The following ZSCAN25 variants were observed in gnomAD, a reference collection of about 807,000 sequenced individuals.
ZSCAN25 encodes the protein zinc finger and SCAN domain containing 25.
ZSCAN25 carries 27 observed loss-of-function variants against 38.7 expected under a neutral mutation model. That is an observed-to-expected ratio of 0.70 (90% confidence interval 0.51 to 0.96). The LOEUF (loss-of-function observed/expected upper bound fraction) is 0.96, where lower values mean the gene tolerates loss of function less well. Among genes scored for constraint, ZSCAN25 ranks in the 40% least tolerant of loss-of-function variants. ZSCAN25 has a pLI of 0.00. For synonymous variants in ZSCAN25, 273 were observed against 277.7 expected (o/e 0.98, Z 0.17); for missense variants, 637 against 705.9 (o/e 0.90, Z 1.11).
chr7:99,691,519 G>A, the ZSCAN25 span, among the ~76,000 whole-genome samples: 3 of 152,082 alleles, frequency 2.0e-5, no homozygotes, highest in Non-Finnish European at 4.4e-5. Flanking sequence ...CATTATTATT[G>A]TGTGGAGTCT....
chr7:99,641,482 C>T, the ZSCAN25 span, among the ~76,000 whole-genome samples: 2 of 152,074 alleles, frequency 1.3e-5, no homozygotes, highest in East Asian at 3.9e-4. Context: ...ACCATATCAC[C>T]TCCCATCCTT....
At chr7:99,717,373 T>C in the ZSCAN25 span, 1 of 1,600,820 alleles carries the variant, frequency 6.2e-7, no homozygotes, top group African/African-American at 1.3e-5. Context: ...ATAATGAATT[T>C]TATGATGTGT....
the ZSCAN25 span, chr7:99,731,155 A>G: frequency 6.2e-7 from 1 of 1,613,762 alleles, no homozygotes; most frequent in Non-Finnish European, 8.5e-7. Flanking sequence ...TTCCATATCT[A>G]CAAAGTGAAA....
At chr7:99,626,597 C>A (rs985218435) in intron 7 of ZSCAN25, among the ~76,000 whole-genome samples, 19 of 151,926 alleles carry the variant, frequency 1.3e-4, no homozygotes, top group African/African-American at 3.9e-4. Flanking sequence ...TGGCTAAGGG[C>A]CTGGAAAAAT....
the ZSCAN25 span, among the ~76,000 whole-genome samples, chr7:99,688,591 T>C: frequency 1.2e-3 from 189 of 152,206 alleles, no homozygotes; most frequent in Non-Finnish European, 9.7e-4. Context: ...TAACACCCCA[T>C]TGTCAACATT....
chr7:99,690,207 A>G, the ZSCAN25 span, among the ~76,000 whole-genome samples: 1 of 152,218 alleles, frequency 6.6e-6, no homozygotes. Context: ...AGGATTCCCT[A>G]TTTAATAAAT....
At chr7:99,637,276 T>A (rs10229552), downstream of ZSCAN25, among the ~76,000 whole-genome samples, 36,850 of 152,156 alleles carry the variant, frequency 0.24, 8,424 homozygotes, top group African/African-American at 0.59. Flanking sequence ...TAGGCGTTTG[T>A]AACAAGGTAA....
chr7:99,666,938 T>C, the ZSCAN25 span: 1 of 1,611,900 alleles, frequency 6.2e-7, no homozygotes, highest in Non-Finnish European at 8.5e-7. Context: ...TTAAGACTCA[T>C]CTTATTTTCA....
Position 99,631,618 on chromosome 7 carries a change from AT to A in ZSCAN25, c.*1609del, listed in dbSNP as rs989393591. The A allele has an allele frequency of 2.7e-4, 233 of 863,994 alleles. No homozygotes were observed. Among genetic ancestry groups the A allele is most frequent in the East Asian group, 7.3e-4 (6 of 8,194 alleles). The allele number at this position is 863,994 out of a possible 1,614,324, so 53.5% of individuals were successfully genotyped here. ...CTTAATACCAGATTCTTTTACTGAG[AT>A]TTTTTTTTTTCATTTTCCATTGTAA... On this transcript the variant is annotated 3_prime_UTR_variant, in exon 8 of 8. Coordinates refer to ENST00000394152, the MANE Select transcript of ZSCAN25 (RefSeq NM_145115.3).
chr7:99,680,751 T>C, the ZSCAN25 span, among the ~76,000 whole-genome samples: 2 of 152,170 alleles, frequency 1.3e-5, no homozygotes, highest in African/African-American at 4.8e-5. Context: ...CTAATAAAGT[T>C]GGTCTTGTTC....
At chr7:99,626,487 T>C (rs547682265) in intron 7 of ZSCAN25, among the ~76,000 whole-genome samples, 12 of 152,176 alleles carry the variant, frequency 7.9e-5, no homozygotes, top group African/African-American at 1.7e-4. Context: ...AGTGGTCATG[T>C]AGAAGGGGGT....
chr7:99,683,153 A>G, the ZSCAN25 span, among the ~76,000 whole-genome samples: 1 of 152,220 alleles, frequency 6.6e-6, no homozygotes, highest in Non-Finnish European at 1.5e-5. Flanking sequence ...AATGTATCCT[A>G]GGCTTATCTT....
chr7:99,698,092 T>C, the ZSCAN25 span, among the ~76,000 whole-genome samples: 6 of 151,886 alleles, frequency 4.0e-5, no homozygotes, highest in Non-Finnish European at 8.8e-5. Flanking sequence ...GGTAGAGTAA[T>C]ACCACTTTTG....
At chr7:99,669,030 A>G in the ZSCAN25 span, among the ~76,000 whole-genome samples, 1 of 152,164 alleles carries the variant, frequency 6.6e-6, no homozygotes, top group East Asian at 1.9e-4. Context: ...CTATTTTCCT[A>G]TCTGTTAATT....
At chr7:99,671,741 A>G in the ZSCAN25 span, 4 of 684,790 alleles carry the variant, frequency 5.8e-6, no homozygotes, top group East Asian at 1.1e-4. Context: ...GGCCTCCTCA[A>G]ATAAATAAAA....
chr7:99,622,578 C>T lies in ZSCAN25; in HGVS notation c.619C>T (p.Leu207Phe), dbSNP rs1269160584. 13 of 1,614,080 alleles carry T rather than the reference C, an allele frequency of 8.1e-6. No individual in the cohort carries two copies. Among genetic ancestry groups the T allele is most frequent in the Admixed American group, 1.7e-5 (1 of 60,008 alleles). Residue 207 changes from leucine (L) to phenylalanine (F), a missense_variant, in exon 6 of 8, where the codon CTC becomes TTC. Physicochemically the swap from Leu to Phe is conservative, Grantham distance 22 (BLOSUM62 0). Transcript: ENST00000394152. ...ALPVLQAGPG[L>F]PAVNPRDQEM... ...ACCTGTTCTGCAGGCGGGTCCTGGC[C>T]TCCCCGCAGTGAATCCCAGAGACCA...
the ZSCAN25 span, among the ~76,000 whole-genome samples, chr7:99,675,597 T>TTCCTC: frequency 8.6e-6 from 1 of 115,910 alleles, no homozygotes; most frequent in African/African-American, 3.2e-5. Context: ...TACACACCTT[T>TTCCTC]TCCTCTCCTC....
Position 99,629,122 on chromosome 7 carries a change from G to C in ZSCAN25, c.806-69G>C. The stretch of plus-strand genomic sequence containing the variant: ...GAACCATGAATGGGACCCCTGTGAA[G>C]CAGAGTTCTAACATGTAAATGTCCT... On this transcript the variant is annotated intron_variant, in intron 7 of 7. Coordinates refer to ENST00000394152, the MANE Select transcript of ZSCAN25 (RefSeq NM_145115.3). This position sits in a 1 kb window ranked among gnomAD's most constrained non-coding sequence, Gnocchi z 5.6. 1 of 1,513,644 alleles carries C rather than the reference G, an allele frequency of 6.6e-7. No individual in the cohort carries two copies. Among genetic ancestry groups the C allele is most frequent in the Non-Finnish European group, 8.8e-7 (1 of 1,131,562 alleles). 93.8% of individuals were successfully genotyped at this position (1,513,644 alleles called of 1,614,324 possible).
At chr7:99,719,855 G>C in the ZSCAN25 span, among the ~76,000 whole-genome samples, 6 of 152,096 alleles carry the variant, frequency 3.9e-5, no homozygotes, top group Non-Finnish European at 7.3e-5. Flanking sequence ...AAAATTAGTA[G>C]GGCGTGGTGG....
Sources: allele counts gnomAD v4.1 joint callset (sites outside exome capture counted in the v4.1 genomes callset), GRCh38; gene constraint gnomAD v4.1.1; non-coding constraint Gnocchi (gnomAD v3.1); transcripts MANE v1.5; gene names NCBI Gene and HGNC (gene_info 2026-07-23, HGNC 2026-07-21).